CRACR2A: variants seen among roughly 807,000 people sequenced by gnomAD.
The protein encoded by CRACR2A is EF-hand calcium-binding domain-containing protein 4B.
Under a neutral mutation model 90.5 loss-of-function variants are expected in CRACR2A, and 79 were observed. The observed-to-expected ratio is 0.87, with a 90% CI of 0.73 to 1.05. CRACR2A has a LOEUF of 1.05. Ranked by LOEUF, CRACR2A falls within the 50% of genes least tolerant of loss-of-function variation. The pLI is 0.00. For missense variants in CRACR2A, 823 were observed against 897.2 expected (o/e 0.92, Z 1.06); for synonymous variants, 338 against 356.7 (o/e 0.95, Z 0.59).
chr12:3,681,345 G>T (rs375656754), intron 4 of CRACR2A, among the ~76,000 whole-genome samples: 4 of 152,228 alleles, frequency 2.6e-5, no homozygotes, highest in African/African-American at 9.6e-5. Context: ...GACTGGACAA[G>T]ATAGTGTGAG....
At chr12:3,616,871 G>T in intron 19 of CRACR2A, 83 bp downstream of exon 19, 1 of 1,108,300 alleles carries the variant, frequency 9.0e-7, no homozygotes, top group South Asian at 1.4e-5. Flanking sequence ...GTGTGGCCTG[G>T]GTGGAGGGAA....
chr12:3,715,204 A>G, intron 2 of CRACR2A, among the ~76,000 whole-genome samples: 1 of 152,248 alleles, frequency 6.6e-6, no homozygotes, highest in East Asian at 1.9e-4. Context: ...GGCTTTAACA[A>G]ATGAGTGAAT....
intron 2 of CRACR2A, among the ~76,000 whole-genome samples, chr12:3,713,828 G>A (rs1297919346): frequency 2.0e-5 from 3 of 152,188 alleles, no homozygotes; most frequent in South Asian, 4.1e-4. Context: ...GCTGAAAAAC[G>A]ATGGAGGAGG....
intron 13 of CRACR2A, among the ~76,000 whole-genome samples, chr12:3,639,895 T>A (rs1944533103): frequency 6.6e-6 from 1 of 152,180 alleles, no homozygotes; most frequent in South Asian, 2.1e-4. Context: ...GCTTATTAAG[T>A]GCTTATTTGT....
At chr12:3,725,910 G>C (rs956431437) in intron 2 of CRACR2A, 4 of 151,930 alleles carry the variant, frequency 2.6e-5, no homozygotes, top group African/African-American at 9.7e-5. Flanking sequence ...TCTCCTCCAG[G>C]ATTTTTTTTT....
intron 2 of CRACR2A, chr12:3,725,983 C>T (rs1395826851): frequency 6.6e-6 from 1 of 151,946 alleles, no homozygotes; most frequent in East Asian, 1.9e-4. Context: ...CAAAGAATGT[C>T]AGAGACCTTG....
chr12:3,718,608 A>C (rs957142604), intron 2 of CRACR2A, among the ~76,000 whole-genome samples: 8 of 152,234 alleles, frequency 5.3e-5, no homozygotes, highest in Non-Finnish European at 7.3e-5. Context: ...CTCGTTAATA[A>C]TTTTTAGAGT....
chr12:3,714,944 G>A (rs1289609043), intron 2 of CRACR2A, among the ~76,000 whole-genome samples: 1 of 152,224 alleles, frequency 6.6e-6, no homozygotes, highest in East Asian at 1.9e-4. Context: ...CTAGGCCAAT[G>A]TATTTTCCAT....
At chr12:3,679,867 A>G (rs1408276776) in intron 5 of CRACR2A, among the ~76,000 whole-genome samples, 1 of 152,212 alleles carries the variant, frequency 6.6e-6, no homozygotes, top group East Asian at 1.9e-4. Context: ...TGAGCCATCC[A>G]GTTGTCCCAC....
chr12:3,738,515 T>C (rs1946480285), intron 1 of CRACR2A, among the ~76,000 whole-genome samples: 1 of 152,090 alleles, frequency 6.6e-6, no homozygotes, highest in African/African-American at 2.4e-5. Flanking sequence ...TGGATAGACT[T>C]AAGAGCAGAT....
chr12:3,617,267 G>GTA (rs199751878), intron 18 of CRACR2A, among the ~76,000 whole-genome samples: 9,614 of 152,228 alleles, frequency 0.063, 348 homozygotes, highest in Middle Eastern at 0.12. Context: ...GTAAAACAAT[G>GTA]AAACCATACG....
intron 7 of CRACR2A, among the ~76,000 whole-genome samples, chr12:3,670,533 C>T (rs182961958): frequency 3.3e-5 from 5 of 152,252 alleles, no homozygotes; most frequent in Admixed American, 3.3e-4. Flanking sequence ...TATCCTATAC[C>T]CTATTGGGAT....
chr12:3,615,476 A>G lies in CRACR2A; in HGVS notation c.2112-37T>C, dbSNP rs780320177. ...GAAGAGATCGTGTCAGTGATGGAGA[A>G]GTTGATAGGCCCAGGGGCTGGCAAC... On this transcript the variant is annotated intron_variant, in intron 19 of 19. Coordinates refer to ENST00000440314, the MANE Select transcript of CRACR2A (RefSeq NM_001144958.2). 7 of 1,521,136 alleles carry G rather than the reference A, an allele frequency of 4.6e-6. No individual in the cohort carries two copies. The African/African-American group carries it at 9.6e-5, about 21-fold the overall frequency. The allele number at this position is 1,521,136 out of a possible 1,614,324, so 94.2% of individuals were successfully genotyped here.
At chr12:3,750,927 A>AC (rs984929020) in intron 1 of CRACR2A, among the ~76,000 whole-genome samples, 10 of 151,364 alleles carry the variant, frequency 6.6e-5, no homozygotes, top group African/African-American at 2.2e-4. Context: ...ATCTCCAATC[A>AC]CCCCCCACAC....
intron 2 of CRACR2A, among the ~76,000 whole-genome samples, chr12:3,717,992 C>A (rs1946105175): frequency 1.3e-5 from 2 of 152,194 alleles, no homozygotes; most frequent in African/African-American, 4.8e-5. Flanking sequence ...TTTTAGACAG[C>A]CCTGGGTTCA....
rs775257411 is a variant in CRACR2A, at chr12:3,673,484, G to A, written c.633C>T (p.Ala211=). ...ACTCCAGTTCATTCTTCTCCTCATG[G>A]GCTTCTTGGAGCTGGGAGATGATTC... The part of the protein sequence containing the change: ...LTRIISQLQE[A]HEEKNELECA... Residue 211 remains alanine, a synonymous_variant, in exon 7 of 20, where the codon GCC becomes GCT. Coordinates refer to ENST00000440314, the MANE Select transcript of CRACR2A (RefSeq NM_001144958.2). 6.2e-7 allele frequency: 1 copy of A among 1,614,080 alleles called. No homozygotes were observed. Among genetic ancestry groups the A allele is most frequent in the Non-Finnish European group, 8.5e-7 (1 of 1,180,018 alleles).
At chr12:3,652,462 G>A (rs1040412906) in intron 10 of CRACR2A, among the ~76,000 whole-genome samples, 4 of 151,956 alleles carry the variant, frequency 2.6e-5, no homozygotes, top group Non-Finnish European at 5.9e-5. Context: ...TTTTGTTTTT[G>A]CTTTTTTTTT....
chr12:3,631,078 C>T (rs970142431), intron 15 of CRACR2A, among the ~76,000 whole-genome samples: 1 of 152,134 alleles, frequency 6.6e-6, no homozygotes, highest in African/African-American at 2.4e-5. Flanking sequence ...AAGGGGGCAG[C>T]CTGCAGGTGG....
At chr12:3,701,764 T>A (rs1040881915) in intron 3 of CRACR2A, among the ~76,000 whole-genome samples, 2 of 152,134 alleles carry the variant, frequency 1.3e-5, no homozygotes, top group African/African-American at 2.4e-5. Context: ...TAATACCAAT[T>A]CTATACCGAC....
Sources: allele counts gnomAD v4.1 joint callset (sites outside exome capture counted in the v4.1 genomes callset), GRCh38; gene constraint gnomAD v4.1.1; transcripts MANE v1.5; gene names NCBI Gene and HGNC (gene_info 2026-07-23, HGNC 2026-07-21).